NBAS: variants seen among roughly 807,000 people sequenced by gnomAD.
NBAS encodes the protein NBAS subunit of NRZ tethering complex, also known as NAG/BC035112 fusion.
A neutral mutation model predicts 302.5 loss-of-function variants in NBAS; 219 were observed. The observed-to-expected ratio is 0.72, with a 90% CI of 0.65 to 0.81. The LOEUF (loss-of-function observed/expected upper bound fraction) is 0.81, where lower values mean the gene tolerates loss of function less well. NBAS is among the 30% of genes least tolerant of loss of function. The probability of loss-of-function intolerance (pLI) is 0.00; values close to 1 mark genes in which losing one functional copy is unlikely to be tolerated. For synonymous variants in NBAS, 1,118 were observed against 1,021.6 expected, an observed-to-expected ratio of 1.09 and a Z score of -1.80; for missense variants, 2,932 against 2,841.6, an observed-to-expected ratio of 1.03 and a Z score of -0.72.
intron 42 of NBAS, among the ~76,000 whole-genome samples, chr2:15,283,297 A>G (rs552313839): frequency 6.6e-6 from 1 of 152,212 alleles, no homozygotes; most frequent in Admixed American, 6.5e-5. Flanking sequence ...TAATCATAAT[A>G]GCCTTGATAT....
At chr2:15,069,892 G>A in the NBAS span, among the ~76,000 whole-genome samples, 1 of 152,142 alleles carries the variant, frequency 6.6e-6, no homozygotes, top group Non-Finnish European at 1.5e-5. Context: ...CACGGATTGG[G>A]AATTGGAGTT....
At chr2:15,172,806 A>G (rs1329216851) in intron 51 of NBAS, among the ~76,000 whole-genome samples, 1 of 152,228 alleles carries the variant, frequency 6.6e-6, no homozygotes. Flanking sequence ...ACTTTGAATT[A>G]CAGTGAGAGA....
At chr2:15,134,558 T>C in the NBAS span, among the ~76,000 whole-genome samples, 4 of 152,090 alleles carry the variant, frequency 2.6e-5, no homozygotes, top group African/African-American at 9.7e-5. Flanking sequence ...ATCTCAGAAA[T>C]AAAAGTGCCC....
At chr2:15,554,315 T>C (rs1001290876) in intron 3 of NBAS, among the ~76,000 whole-genome samples, 177 bp from the exon 4 acceptor site, 2 of 152,008 alleles carry the variant, frequency 1.3e-5, no homozygotes, top group Admixed American at 6.6e-5. Flanking sequence ...AATTTGACCA[T>C]ATATATTTCT....
At chr2:15,512,778 G>T (rs1019899138) in intron 9 of NBAS, among the ~76,000 whole-genome samples, 1 of 152,134 alleles carries the variant, frequency 6.6e-6, no homozygotes, top group East Asian at 1.9e-4. Context: ...CAGCCCTGAG[G>T]ATATGTTTGA....
the NBAS span, among the ~76,000 whole-genome samples, chr2:14,835,903 G>T: frequency 6.6e-6 from 1 of 151,956 alleles, no homozygotes; most frequent in Non-Finnish European, 1.5e-5. Flanking sequence ...ATATTCTAAA[G>T]TCACTGTACC....
At chr2:15,464,283 C>T (rs1266094244) in intron 19 of NBAS, among the ~76,000 whole-genome samples, 1 of 152,172 alleles carries the variant, frequency 6.6e-6, no homozygotes, top group Non-Finnish European at 1.5e-5. Flanking sequence ...TTCCAACACA[C>T]TATTTCTCAG....
At chr2:15,346,686 T>A (rs978087827) in intron 35 of NBAS, among the ~76,000 whole-genome samples, 7 of 152,160 alleles carry the variant, frequency 4.6e-5, no homozygotes, top group Non-Finnish European at 7.4e-5. Context: ...CATTCTTCTA[T>A]AAGGACACAT....
the NBAS span, among the ~76,000 whole-genome samples, chr2:14,957,278 C>CGT: frequency 0.06 from 8,808 of 147,492 alleles, 289 homozygotes; most frequent in African/African-American, 0.092. Context: ...TATACATATA[C>CGT]GTGTGTGTGT....
the NBAS span, among the ~76,000 whole-genome samples, chr2:14,998,423 T>C: frequency 3.3e-5 from 5 of 152,186 alleles, no homozygotes; most frequent in African/African-American, 1.2e-4. Flanking sequence ...AATGGAGACC[T>C]GCAACAAGAC....
At chr2:15,415,968 A>G (rs1676910712) in intron 24 of NBAS, among the ~76,000 whole-genome samples, 1 of 152,204 alleles carries the variant, frequency 6.6e-6, no homozygotes, top group South Asian at 2.1e-4. Flanking sequence ...TCATCTCTTT[A>G]CATCATAAGC....
At chr2:14,849,793 A>C in the NBAS span, among the ~76,000 whole-genome samples, 1 of 142,234 alleles carries the variant, frequency 7.0e-6, no homozygotes, top group Non-Finnish European at 1.5e-5. Context: ...CTTAAAGAAA[A>C]GAATTTTCAA....
At chr2:14,961,113 G>A in the NBAS span, among the ~76,000 whole-genome samples, 1 of 152,256 alleles carries the variant, frequency 6.6e-6, no homozygotes, top group Non-Finnish European at 1.5e-5. Flanking sequence ...ACTCTCTGTG[G>A]TATGACTGTC....
At chr2:15,275,860 A>G in intron 43 of NBAS, 42 bp from the exon 44 acceptor site, 2 of 1,553,424 alleles carry the variant, frequency 1.3e-6, no homozygotes, top group Non-Finnish European at 1.8e-6. Flanking sequence ...GTTCATTCCA[A>G]TGTAAACATA....
the NBAS span, among the ~76,000 whole-genome samples, chr2:14,873,012 G>A: frequency 2.6e-5 from 4 of 152,288 alleles, no homozygotes; most frequent in Non-Finnish European, 5.9e-5. Context: ...AAGAGCGAAA[G>A]AAAAAAAGTT....
chr2:15,308,056 C>G (rs951555349), intron 40 of NBAS, among the ~76,000 whole-genome samples, 160 bp downstream of exon 40: 1 of 152,176 alleles, frequency 6.6e-6, no homozygotes, highest in African/African-American at 2.4e-5. Flanking sequence ...CCTGGAGAAG[C>G]AACTTTGTCG....
At chr2:14,902,246 G>A in the NBAS span, among the ~76,000 whole-genome samples, 4 of 152,164 alleles carry the variant, frequency 2.6e-5, no homozygotes, top group South Asian at 4.1e-4. Context: ...ATTCTTGTGC[G>A]TCAGCCTCCC....
chr2:14,924,501 C>A, the NBAS span, among the ~76,000 whole-genome samples: 2 of 152,218 alleles, frequency 1.3e-5, no homozygotes, highest in Non-Finnish European at 2.9e-5. Context: ...TATCAGACAT[C>A]AACTTGAAAC....
At chr2:14,965,582 T>A in the NBAS span, among the ~76,000 whole-genome samples, 1 of 152,184 alleles carries the variant, frequency 6.6e-6, no homozygotes, top group Non-Finnish European at 1.5e-5. Flanking sequence ...CACTGGAGAA[T>A]TCATTCAAAC....
Sources: allele counts gnomAD v4.1 joint callset (sites outside exome capture counted in the v4.1 genomes callset), GRCh38; gene constraint gnomAD v4.1.1; transcripts MANE v1.5; gene names NCBI Gene and HGNC (gene_info 2026-07-23, HGNC 2026-07-21).